MMRN2: variants seen among roughly 807,000 people sequenced by gnomAD.
The protein encoded by MMRN2 is multimerin-2.
A neutral mutation model predicts 68.8 loss-of-function variants in MMRN2; 53 were observed. The ratio of observed to expected loss-of-function variants is 0.77; its 90% confidence interval spans 0.62 to 0.97. MMRN2 has a LOEUF of 0.97. MMRN2 is among the 50% of genes least tolerant of loss of function. The pLI, the probability that MMRN2 is intolerant of heterozygous loss-of-function variation, is 0.00. For missense variants in MMRN2, 1,266 were observed against 1,259.5 expected (o/e 1.01, Z -0.08); for synonymous variants, 564 against 551.6 (o/e 1.02, Z -0.32).
At position 86,943,626 on chromosome 10, in the gene MMRN2, G is replaced by T. The variant is rs781105899; in HGVS notation, c.1158C>A (p.Thr386=). ...LQRNLSELHM[T]TARREEELQY... is the part of the protein sequence containing the mutation. ...GCAACTCCTCCTCCCTGCGGGCCGT[G>T]GTCATGTGCAGCTCTGAGAGGTTCC... Residue 386 remains threonine (T), a synonymous_variant, in exon 6 of 7, where the codon ACC becomes ACA. Coordinates refer to ENST00000372027, the MANE Select transcript of MMRN2 (RefSeq NM_024756.3). The surrounding 1 kb of genome is among the most constrained non-coding windows in gnomAD (Gnocchi z 4.2). The T allele has an allele frequency of 1.2e-6, 2 of 1,613,700 alleles. No individual in the cohort carries two copies. The highest frequency in any genetic ancestry group is 2.2e-5 in the South Asian group (2 of 91,088).
Position 86,936,470 on chromosome 10 carries a change from C to G in MMRN2, c.*273G>C. 1.8e-6 allele frequency: 1 copy of G among 545,132 alleles called. No individual in the cohort carries two copies. Among genetic ancestry groups the G allele is most frequent in the Middle Eastern group, 4.7e-4 (1 of 2,108 alleles). The allele number at this position is 545,132 out of a possible 1,614,324, so 33.8% of individuals were successfully genotyped here. ...CAGGGTGTGGTGAAGAGTTGGAGCCCAGGCCGTGCTGTCTGAGAAGGCATG... is the reference window on the plus strand; with the variant it reads ...CAGGGTGTGGTGAAGAGTTGGAGCCGAGGCCGTGCTGTCTGAGAAGGCATG... On this transcript the variant is annotated 3_prime_UTR_variant, in exon 7 of 7. Transcript: ENST00000372027.
intron 1 of MMRN2, chr10:86,948,870 C>G (rs1200345254): frequency 6.6e-6 from 1 of 152,104 alleles, no homozygotes; most frequent in East Asian, 1.9e-4. Context: ...GTGGAAGGGT[C>G]CCGTGAGCCC....
rs1298248151 is a variant in MMRN2 at position 86,957,366 on chromosome 10, A to G, written c.164+12T>C. 1 of 1,612,502 alleles carries G rather than the reference A, an allele frequency of 6.2e-7. No homozygotes were observed. Among genetic ancestry groups the G allele is most frequent in the South Asian group, 1.1e-5 (1 of 91,024 alleles). On this transcript the variant is annotated intron_variant, in intron 1 of 6. Coordinates refer to ENST00000372027, the MANE Select transcript of MMRN2 (RefSeq NM_024756.3). ...TACTCCATGACCTCTGCCAAGGTCC[A>G]GGCCCTCTTACCGTCCTACGGGGTC...
chr10:86,955,084 A>G (rs886742622), intron 1 of MMRN2, among the ~76,000 whole-genome samples: 8 of 152,190 alleles, frequency 5.3e-5, no homozygotes, highest in African/African-American at 1.9e-4. Flanking sequence ...TTGGGGGGAC[A>G]GGACAGCCTG....
Position 86,936,522 on chromosome 10 carries a change from A to T in MMRN2, c.*221T>A. 1.6e-6 allele frequency: 1 copy of T among 612,432 alleles called. No individual in the cohort carries two copies. Among genetic ancestry groups the T allele is most frequent in the Admixed American group, 2.9e-5 (1 of 33,986 alleles). The allele number at this position is 612,432 out of a possible 1,614,324, so 37.9% of individuals were successfully genotyped here. ...CAAGCCAAGGTTCAGGCTTCCTAGG[A>T]CCATGTCCTGCCCGGAGAAGCATTC... On this transcript the variant is annotated 3_prime_UTR_variant, in exon 7 of 7. Coordinates refer to ENST00000372027, the MANE Select transcript of MMRN2 (RefSeq NM_024756.3).
In MMRN2 at chr10:86,944,010, G is replaced by A. The variant is rs1171933189; in HGVS notation, c.774C>T (p.Ala258=). 6.2e-7 allele frequency: 1 copy of A among 1,614,016 alleles called. No homozygotes were observed. The change falls in exon 6 of 7, where the codon GCC becomes GCT. Residue 258 remains alanine, a synonymous_variant. Transcript: ENST00000372027. ...CCACGTCAAGAGACAGGTTTCTTAT[G>A]GCCTGGGTAAGGCTGTGCAGGCTTT... The part of the protein sequence containing the change: ...FNQSLHSLTQ[A]IRNLSLDVEA...
chr10:86,943,242 G>A lies in MMRN2; in HGVS notation c.1542C>T (p.Ala514=), dbSNP rs1374449533. 2 of 1,612,468 alleles carry A rather than the reference G, an allele frequency of 1.2e-6. No homozygotes were observed. The highest frequency in any genetic ancestry group is 1.7e-6 in the Non-Finnish European group (2 of 1,179,352). ...CCAGGCTCACCTGGGTCTCCTCCAG[G>A]GCACGCGTGGCGTCCCTCTGGCCCT... ...IREGQRDATR[A]LEETQVSLDE... is the part of the protein sequence containing the mutation. The change falls in exon 6 of 7, where the codon GCC becomes GCT. Residue 514 remains alanine (A), a synonymous_variant. Transcript: ENST00000372027. This position sits in a 1 kb window ranked among gnomAD's most constrained non-coding sequence, Gnocchi z 4.2.
At chr10:86,948,034 G>A (rs572141878) in intron 1 of MMRN2, among the ~76,000 whole-genome samples, 10 of 152,172 alleles carry the variant, frequency 6.6e-5, no homozygotes, top group Non-Finnish European at 1.2e-4. Flanking sequence ...AGGAGTTTGA[G>A]TCCAGCCTGT....
At chr10:86,952,199 T>C (rs1844154482) in intron 1 of MMRN2, among the ~76,000 whole-genome samples, 1 of 152,128 alleles carries the variant, frequency 6.6e-6, no homozygotes, top group Non-Finnish European at 1.5e-5. Context: ...AAGGGGCCAG[T>C]GCATCTCCAA....
chr10:86,955,688 G>A (rs373611391), intron 1 of MMRN2, among the ~76,000 whole-genome samples: 251 of 152,346 alleles, frequency 1.6e-3, no homozygotes, highest in African/African-American at 5.4e-3. Flanking sequence ...AGCAAGGGAA[G>A]TAATCAGCCC....
rs760286876 is a variant in MMRN2, at chr10:86,943,957, A to T, written c.827T>A (p.Val276Asp). Residue 276 changes from valine to aspartate, a missense_variant, in exon 6 of 7, where the codon GTC becomes GAC. Val to Asp is a radical substitution (Grantham distance 152). Coordinates refer to ENST00000372027, the MANE Select transcript of MMRN2 (RefSeq NM_024756.3). The surrounding 1 kb of genome is among the most constrained non-coding windows in gnomAD (Gnocchi z 4.2). ...VEANRQAISR[V>D]QDSAVARADF... ...AGCCCTGGCCACGGCACTGTCCTGGACTCTGGAGATGGCCTGGCGGTTGGC... is the reference window on the plus strand; with the variant it reads ...AGCCCTGGCCACGGCACTGTCCTGGTCTCTGGAGATGGCCTGGCGGTTGGC... 2.5e-6 allele frequency: 4 copies of T among 1,613,952 alleles called. No individual in the cohort carries two copies. Among genetic ancestry groups the T allele is most frequent in the Non-Finnish European group, 3.4e-6 (4 of 1,180,020 alleles).
At position 86,943,622 on chromosome 10, in the gene MMRN2, C is replaced by T; in HGVS notation, c.1162G>A (p.Ala388Thr). Residue 388 changes from alanine to threonine, a missense_variant, in exon 6 of 7, where the codon GCC (alanine) becomes ACC (threonine). By Grantham distance (58) the Ala-to-Thr change is moderately conservative. Coordinates refer to ENST00000372027, the MANE Select transcript of MMRN2 (RefSeq NM_024756.3). The surrounding 1 kb of genome is among the most constrained non-coding windows in gnomAD (Gnocchi z 4.2). Reference protein sequence around the residue: ...RNLSELHMTTARREEELQYTL... With the variant: ...RNLSELHMTTTRREEELQYTL... ...TACTGCAACTCCTCCTCCCTGCGGG[C>T]CGTGGTCATGTGCAGCTCTGAGAGG... The T allele has an allele frequency of 6.2e-7, 1 of 1,613,774 alleles. No individual in the cohort carries two copies. Among genetic ancestry groups the T allele is most frequent in the Non-Finnish European group, 8.5e-7 (1 of 1,180,010 alleles).
chr10:86,944,081 T>C lies in MMRN2; in HGVS notation c.703A>G (p.Thr235Ala), dbSNP rs746626361. The C allele has an allele frequency of 8.1e-6, 13 of 1,614,046 alleles. No homozygotes were observed. The highest frequency in any genetic ancestry group is 1.3e-5 in the African/African-American group (1 of 75,034). Residue 235 changes from threonine (T) to alanine (A), a missense_variant, in exon 6 of 7, where the codon ACC becomes GCC. Coordinates refer to ENST00000372027, the MANE Select transcript of MMRN2 (RefSeq NM_024756.3). ...GGGCTGAAATGCACTTGTAGGAAGG[T>C]GTCCACGTGGGGTAGCAGCACCTGC... is the stretch of plus-strand genomic sequence containing the variant. ...LEQVLLPHVD[T>A]FLQVHFSPIW...
At chr10:86,955,976 A>G (rs1015291148) in intron 1 of MMRN2, among the ~76,000 whole-genome samples, 16 of 152,056 alleles carry the variant, frequency 1.1e-4, no homozygotes, top group Admixed American at 9.2e-4. Flanking sequence ...CTCTCCCACA[A>G]CCAAGGGGGT....
Position 86,936,120 on chromosome 10 carries a change from A to G in MMRN2, c.*623T>C, listed in dbSNP as rs1843874428. 2 of 285,860 alleles carry G rather than the reference A, an allele frequency of 7.0e-6. No individual in the cohort carries two copies. The highest frequency in any genetic ancestry group is 1.1e-4 in the East Asian group (2 of 17,952). 17.7% of individuals were successfully genotyped at this position (285,860 alleles called of 1,614,324 possible). On this transcript the variant is annotated 3_prime_UTR_variant, in exon 7 of 7. Coordinates refer to ENST00000372027, the MANE Select transcript of MMRN2 (RefSeq NM_024756.3). Reference sequence around the variant, plus strand: ...TATAGGGATTACAATTCAAGATGATATTTTAGGTGGGGGCACAGCTAAACC... The same window carrying G: ...TATAGGGATTACAATTCAAGATGATGTTTTAGGTGGGGGCACAGCTAAACC...
intron 1 of MMRN2, among the ~76,000 whole-genome samples, chr10:86,955,514 C>G (rs1459562720): frequency 6.6e-6 from 1 of 152,198 alleles, no homozygotes. Context: ...GCTCTGGAAA[C>G]AGATGTAAGT....
At chr10:86,940,876 C>G (rs747797569) in intron 6 of MMRN2, among the ~76,000 whole-genome samples, 3 of 152,238 alleles carry the variant, frequency 2.0e-5, no homozygotes, top group African/African-American at 7.2e-5. Context: ...AGTTGTCCCC[C>G]TCCCGGGACC....
Position 86,944,373 on chromosome 10 carries a change from CCAG to C in MMRN2, c.541_543del (p.Leu181del), listed in dbSNP as rs527951671. ...CGGTGCACATCATTCTGGAGATCTC[CCAG>C]CAGATGTTCCTGCTGTTCCTGTTGC... On this transcript the variant is annotated inframe_deletion, in exon 5 of 7. Transcript: ENST00000372027. 1.6e-4 allele frequency: 261 copies of C among 1,614,038 alleles called. No homozygotes were observed. The African/African-American group carries it at 2.6e-3, about 16-fold the overall frequency.
chr10:86,936,614 C>A lies in MMRN2; in HGVS notation c.*129G>T. The stretch of plus-strand genomic sequence containing the variant: ...TTACAGGGAAGCCACGTACACCACA[C>A]CATCTTTGCAGAAGGTTTCCAGGGA... On this transcript the variant is annotated 3_prime_UTR_variant, in exon 7 of 7. Coordinates refer to ENST00000372027, the MANE Select transcript of MMRN2 (RefSeq NM_024756.3). The A allele has an allele frequency of 8.4e-7, 1 of 1,188,142 alleles. No individual in the cohort carries two copies. The highest frequency in any genetic ancestry group is 1.2e-6 in the Non-Finnish European group (1 of 836,134). The allele number at this position is 1,188,142 out of a possible 1,614,324, so 73.6% of individuals were successfully genotyped here.
Sources: gnomAD v4.1 joint callset for allele counts (sites outside exome capture counted in the v4.1 genomes callset) on GRCh38, gnomAD v4.1.1 for gene constraint, Gnocchi (gnomAD v3.1) non-coding constraint, MANE v1.5 for transcripts, NCBI Gene and HGNC (gene_info 2026-07-23, HGNC 2026-07-21) for gene names.